TOM1: variants seen among roughly 807,000 people sequenced by gnomAD.
TOM1 encodes target of myb1 membrane trafficking protein, also known as target of Myb protein 1.
In TOM1, 38 loss-of-function variants were observed where a neutral mutation model predicts 61.3. The observed-to-expected ratio is 0.62, with a 90% CI of 0.48 to 0.81. The LOEUF (loss-of-function observed/expected upper bound fraction) is 0.81, where lower values mean the gene tolerates loss of function less well. TOM1 is among the 40% of genes least tolerant of loss of function. The pLI is 0.00. For missense variants in TOM1, 591 were observed against 659.6 expected (o/e 0.90, Z 1.14); for synonymous variants, 270 against 268.8 (o/e 1.00, Z -0.04).
intron 6 of TOM1, among the ~76,000 whole-genome samples, 168 bp downstream of exon 6, chr22:35,324,082 C>A (rs1928098561): frequency 6.6e-6 from 1 of 152,232 alleles, no homozygotes; most frequent in Admixed American, 6.5e-5. Context: ...TCAGAGAGGT[C>A]CATTCACTTG....
intron 1 of TOM1, among the ~76,000 whole-genome samples, chr22:35,317,001 G>T (rs369343111): frequency 2.0e-5 from 3 of 152,026 alleles, no homozygotes; most frequent in Admixed American, 6.6e-5. Flanking sequence ...GTAATGGAGC[G>T]TTTGCTTCCT....
intron 11 of TOM1, among the ~76,000 whole-genome samples, chr22:35,335,072 G>A (rs1187131023): frequency 6.6e-6 from 1 of 152,194 alleles, no homozygotes; most frequent in Non-Finnish European, 1.5e-5. Context: ...CGTGGCCTGA[G>A]TGTGTCCACC....
intron 10 of TOM1, 128 bp downstream of exon 10, chr22:35,333,625 TC>T: frequency 1.8e-5 from 15 of 838,176 alleles, no homozygotes; most frequent in South Asian, 6.5e-5. Flanking sequence ...CTTGCTGGGG[TC>T]CCAGGCTGAA....
At chr22:35,343,340 A>ACCACACACACATCTACACC (rs1930129284) in intron 12 of TOM1, among the ~76,000 whole-genome samples, 1 of 142,404 alleles carries the variant, frequency 7.0e-6, no homozygotes, top group Non-Finnish European at 1.5e-5. Context: ...CCCCACACAC[A>ACCACACACACATCTACACC]CACCACACAC....
chr22:35,317,942 A>G lies in TOM1; in HGVS notation c.118A>G (p.Ile40Val), dbSNP rs768517941. The change falls in exon 2 of 15, where the codon ATC becomes GTC. Residue 40 changes from isoleucine to valine, a missense_variant. Physicochemically the swap from Ile to Val is conservative, Grantham distance 29. Transcript: ENST00000449058. ...WALNMEICDI[I>V]NETEEGPKDA... ...CCTCAACATGGAGATCTGCGACATC[A>G]TCAACGAGACGGAGGAAGGGTAAGG... is the stretch of plus-strand genomic sequence containing the variant. The G allele has an allele frequency of 3.7e-6, 6 of 1,613,964 alleles. No homozygotes were observed. The highest frequency in any genetic ancestry group is 1.7e-5 in the Admixed American group (1 of 60,004).
chr22:35,318,711 C>G (rs759285690), intron 2 of TOM1, among the ~76,000 whole-genome samples: 13 of 152,192 alleles, frequency 8.5e-5, no homozygotes, highest in Non-Finnish European at 1.8e-4. Flanking sequence ...AAAGGGGATG[C>G]GAGGGTCCCT....
chr22:35,304,200 C>G (rs559043579), intron 1 of TOM1, among the ~76,000 whole-genome samples: 2 of 152,170 alleles, frequency 1.3e-5, no homozygotes, highest in South Asian at 2.1e-4. Context: ...CACACTGCCT[C>G]GAGCTGCCCA....
chr22:35,333,231 G>T lies in TOM1; in HGVS notation c.934-173G>T, dbSNP rs1295995127. ...CAGGGTCTCCCCAACCTCCCAGGGA[G>T]TCCAGTTGAGCTGGAGCCAGAGGGG... On this transcript the variant is annotated intron_variant, in intron 9 of 14. Transcript: ENST00000449058. 3 of 780,490 alleles carry T rather than the reference G, an allele frequency of 3.8e-6. No homozygotes were observed. In the Admixed American group the frequency reaches 7.2e-5, roughly 19 times the overall value. The allele number at this position is 780,490 out of a possible 1,614,324, so 48.3% of individuals were successfully genotyped here.
intron 2 of TOM1, among the ~76,000 whole-genome samples, chr22:35,320,241 G>A (rs975814998): frequency 5.3e-5 from 8 of 152,214 alleles, no homozygotes; most frequent in African/African-American, 1.9e-4. Context: ...TGGAAGGGGT[G>A]GATTTTAGCT....
chr22:35,343,639 A>C, intron 12 of TOM1, among the ~76,000 whole-genome samples: 1 of 122,948 alleles, frequency 8.1e-6, no homozygotes, highest in African/African-American at 3.2e-5. Flanking sequence ...ACCTACACAC[A>C]CCACACCTAT....
intron 1 of TOM1, among the ~76,000 whole-genome samples, chr22:35,314,190 G>C (rs1475821337): frequency 6.7e-6 from 1 of 149,306 alleles, no homozygotes; most frequent in Non-Finnish European, 1.5e-5. Context: ...GAACCTAGAA[G>C]GGGTTGGCAA....
At chr22:35,309,810 G>A (rs1385932359) in intron 1 of TOM1, among the ~76,000 whole-genome samples, 1 of 152,062 alleles carries the variant, frequency 6.6e-6, no homozygotes, top group East Asian at 1.9e-4. Flanking sequence ...CATTCTCACG[G>A]TAGGAAGCAC....
At chr22:35,333,383 G>C in intron 9 of TOM1, 21 bp from the exon 10 acceptor site, 4 of 1,610,210 alleles carry the variant, frequency 2.5e-6, no homozygotes, top group Non-Finnish European at 2.5e-6. Flanking sequence ...GGGATGATCA[G>C]GGCATCTCCC....
intron 1 of TOM1, among the ~76,000 whole-genome samples, chr22:35,302,782 G>A (rs1444873648): frequency 6.6e-6 from 1 of 152,174 alleles, no homozygotes; most frequent in East Asian, 1.9e-4. Flanking sequence ...GCAAAACTGA[G>A]TCATTGAAAT....
intron 1 of TOM1, among the ~76,000 whole-genome samples, chr22:35,307,557 C>T (rs1245971756): frequency 6.6e-6 from 1 of 152,184 alleles, no homozygotes; most frequent in Non-Finnish European, 1.5e-5. Context: ...CCCAGGTCTC[C>T]TCCTCAAGGG....
intron 6 of TOM1, among the ~76,000 whole-genome samples, chr22:35,326,608 T>C (rs1458272609): frequency 6.6e-5 from 10 of 151,944 alleles, no homozygotes; most frequent in Non-Finnish European, 1.3e-4. Context: ...CCCAGTCCAC[T>C]AGGAGGAGAA....
chr22:35,308,607 G>T (rs1926553070), intron 1 of TOM1, among the ~76,000 whole-genome samples: 1 of 151,746 alleles, frequency 6.6e-6, no homozygotes, highest in Non-Finnish European at 1.5e-5. Context: ...AGAGATCCCT[G>T]ACTAATACAA....
At chr22:35,324,412 CAAAAAAAAAAAAA>C (rs58401864) in intron 6 of TOM1, among the ~76,000 whole-genome samples, 3 of 61,190 alleles carry the variant, frequency 4.9e-5, no homozygotes, top group African/African-American at 1.0e-4. Context: ...AGACCTGTTT[CAAAAAAAAAAAAA>C]AAAAAAAAAA....
At chr22:35,343,990 C>A (rs1930272670) in intron 12 of TOM1, among the ~76,000 whole-genome samples, 1 of 150,938 alleles carries the variant, frequency 6.6e-6, no homozygotes, top group Non-Finnish European at 1.5e-5. Context: ...CCTACACATA[C>A]AAACCTACAC....
Sources: allele counts gnomAD v4.1 joint callset (sites outside exome capture counted in the v4.1 genomes callset), GRCh38; gene constraint gnomAD v4.1.1; transcripts MANE v1.5; gene names NCBI Gene and HGNC (gene_info 2026-07-23, HGNC 2026-07-21).